Variants in NOS1AP observed in about 807,000 individuals in gnomAD.
The protein encoded by NOS1AP is carboxyl-terminal PDZ ligand of neuronal nitric oxide synthase protein.
Under a neutral mutation model 56.2 loss-of-function variants are expected in NOS1AP, and 21 were observed. The ratio of observed to expected loss-of-function variants is 0.37; its 90% CI spans 0.26 to 0.54. The LOEUF (loss-of-function observed/expected upper bound fraction) is 0.54, where lower values mean the gene tolerates loss of function less well. Among genes scored for constraint, NOS1AP ranks in the 20% least tolerant of loss-of-function variants. NOS1AP has a pLI of 0.84. For synonymous variants in NOS1AP, 270 were observed against 274.6 expected (o/e 0.98, Z 0.17); for missense variants, 522 against 657.8 (o/e 0.79, Z 2.26).
At chr1:162,352,089 T>TCACTCTATTG (rs1177257911) in intron 6 of NOS1AP, among the ~76,000 whole-genome samples, 3 of 151,754 alleles carry the variant, frequency 2.0e-5, no homozygotes, top group Non-Finnish European at 4.4e-5. Context: ...AGACAGAATC[T>TCACTCTATTG]CACTCTATTG....
chr1:162,120,231 A>C (rs1194249170), intron 1 of NOS1AP, among the ~76,000 whole-genome samples: 1 of 152,202 alleles, frequency 6.6e-6, no homozygotes, highest in Non-Finnish European at 1.5e-5. Context: ...AAATATGGTA[A>C]AATATTTTTT....
At chr1:162,161,265 G>A (rs904017928) in intron 2 of NOS1AP, among the ~76,000 whole-genome samples, 2 of 152,134 alleles carry the variant, frequency 1.3e-5, no homozygotes, top group African/African-American at 4.8e-5. Context: ...TGGGGATTAG[G>A]TCATGGACCT....
At chr1:162,102,224 G>A (rs915155248) in intron 1 of NOS1AP, among the ~76,000 whole-genome samples, 1 of 152,124 alleles carries the variant, frequency 6.6e-6, no homozygotes, top group Admixed American at 6.5e-5. Flanking sequence ...TTTATCTTTA[G>A]TTCTGGTTAT....
At chr1:162,104,423 C>A (rs1013596587) in intron 1 of NOS1AP, among the ~76,000 whole-genome samples, 5 of 152,074 alleles carry the variant, frequency 3.3e-5, no homozygotes, top group Non-Finnish European at 7.4e-5. Context: ...TACTAAGGTT[C>A]TCTGCATTTT....
chr1:162,278,667 G>A (rs1245094806), intron 2 of NOS1AP, among the ~76,000 whole-genome samples: 1 of 3,178 alleles, frequency 3.1e-4, no homozygotes, highest in Non-Finnish European at 1.9e-3. Flanking sequence ...CCTTCTACGT[G>A]TGTGTGTGTG....
chr1:162,283,091 C>CCT lies in NOS1AP; in HGVS notation c.178-4240_178-4239dup, dbSNP rs71712965. On this transcript the variant is annotated intron_variant, in intron 2 of 9. Transcript: ENST00000361897. The stretch of plus-strand genomic sequence containing the variant: ...CTCTCTTTATTGCTTGCTCGCTCTC[C>CCT]CTCTCTCTCTCTCTGTGTGTGTGTG... 9.3e-5 allele frequency among the ~76,000 whole-genome samples: 14 copies of CCT among 149,772 alleles called. No homozygotes were observed. The East Asian group carries it at 1.4e-3, about 15-fold the overall frequency.
At chr1:162,289,876 G>T (rs1655232587) in intron 3 of NOS1AP, among the ~76,000 whole-genome samples, 2 of 152,136 alleles carry the variant, frequency 1.3e-5, no homozygotes, top group Admixed American at 1.3e-4. Flanking sequence ...CCATCATGGG[G>T]CAACTTCATA....
intron 1 of NOS1AP, among the ~76,000 whole-genome samples, chr1:162,103,294 G>A (rs1647375781): frequency 6.6e-6 from 1 of 152,052 alleles, no homozygotes; most frequent in Admixed American, 6.5e-5. Context: ...TATGGTATGA[G>A]AGACTGTTAT....
intron 2 of NOS1AP, among the ~76,000 whole-genome samples, chr1:162,202,326 C>T (rs1358690591): frequency 6.6e-6 from 1 of 152,102 alleles, no homozygotes; most frequent in African/African-American, 2.4e-5. Flanking sequence ...TATCCCTTTT[C>T]AGAAGCAGCC....
intron 2 of NOS1AP, among the ~76,000 whole-genome samples, chr1:162,272,742 A>G (rs1359995796): frequency 2.0e-5 from 3 of 152,170 alleles, no homozygotes; most frequent in Non-Finnish European, 4.4e-5. Flanking sequence ...TAGTTGGTTC[A>G]GTGTTGCTAT....
chr1:162,259,324 T>G (rs2101702938), intron 2 of NOS1AP, among the ~76,000 whole-genome samples: 1 of 152,348 alleles, frequency 6.6e-6, no homozygotes, highest in South Asian at 2.1e-4. Flanking sequence ...TGTGCTGGTT[T>G]CTCTCTGTAA....
intron 1 of NOS1AP, among the ~76,000 whole-genome samples, chr1:162,136,186 G>A (rs1272670410): frequency 6.6e-6 from 1 of 152,182 alleles, no homozygotes; most frequent in East Asian, 1.9e-4. Context: ...AATTTGAGCT[G>A]TGTCTTGAAG....
intron 2 of NOS1AP, among the ~76,000 whole-genome samples, chr1:162,222,260 A>T (rs1308147893): frequency 1.3e-5 from 2 of 152,212 alleles, no homozygotes; most frequent in Non-Finnish European, 2.9e-5. Flanking sequence ...CACGTTATTG[A>T]GCATGGCAGT....
At chr1:162,191,429 T>C (rs10918840) in intron 2 of NOS1AP, among the ~76,000 whole-genome samples, 53,323 of 151,996 alleles carry the variant, frequency 0.35, 10,205 homozygotes, top group East Asian at 0.55. Context: ...AGGGCAACTG[T>C]ACAGCTTGTT....
chr1:162,364,072 G>A, intron 8 of NOS1AP: 1 of 985,388 alleles, frequency 1.0e-6, no homozygotes, highest in Non-Finnish European at 1.2e-6. Context: ...GCCAAGGGTG[G>A]CCAACTGTGA....
rs750720670 is a variant in NOS1AP, at chr1:162,315,321, C to A, written c.344+14615C>A. Among the ~76,000 whole-genome samples, 3 of 152,300 alleles carry A rather than the reference C, an allele frequency of 2.0e-5. No individual in the cohort carries two copies. In the East Asian group the frequency reaches 5.8e-4, roughly 29 times the overall value. Reference sequence around the variant, plus strand: ...ATAACCTCTGGGCTTGTAGTAGGACCGTGTTGTAGCTTACTCCGCAGCATG... The same window carrying A: ...ATAACCTCTGGGCTTGTAGTAGGACAGTGTTGTAGCTTACTCCGCAGCATG... On this transcript the variant is annotated intron_variant, in intron 4 of 9. Coordinates refer to ENST00000361897, the MANE Select transcript of NOS1AP (RefSeq NM_014697.3).
rs541867508 is a variant in NOS1AP at position 162,117,356 on chromosome 1, G to C, written c.106-37049G>C. 1.7e-4 allele frequency among the ~76,000 whole-genome samples: 26 copies of C among 152,316 alleles called. 1 individual carries two copies. The South Asian group carries it at 4.8e-3, about 28-fold the overall frequency. ...CGGCCTGTGTCTGACACTTTAGTCT[G>C]ACTGCTTGGTAAGTCTTTTTTTAAA... On this transcript the variant is annotated intron_variant, in intron 1 of 9. Coordinates refer to ENST00000361897, the MANE Select transcript of NOS1AP (RefSeq NM_014697.3).
chr1:162,082,527 A>G (rs541908967), intron 1 of NOS1AP, among the ~76,000 whole-genome samples: 1 of 152,298 alleles, frequency 6.6e-6, no homozygotes, highest in East Asian at 1.9e-4. Context: ...GTTTTCCACA[A>G]TGGCTGAACT....
At chr1:162,084,301 T>A (rs570275764) in intron 1 of NOS1AP, among the ~76,000 whole-genome samples, 1 of 152,316 alleles carries the variant, frequency 6.6e-6, no homozygotes, top group Admixed American at 6.5e-5. Context: ...TTAGATCTCC[T>A]GTTCTAGCAG....
Sources: allele counts gnomAD v4.1 joint callset (sites outside exome capture counted in the v4.1 genomes callset), GRCh38; gene constraint gnomAD v4.1.1; transcripts MANE v1.5; gene names NCBI Gene and HGNC (gene_info 2026-07-23, HGNC 2026-07-21).